The following OR2C1 variants were observed in gnomAD, a reference collection of about 807,000 sequenced individuals.
OR2C1 encodes the protein olfactory receptor family 2 subfamily C member 1.
For missense variants in OR2C1, 468 were observed against 388.3 expected (o/e 1.21, Z -1.73); for synonymous variants, 209 against 167.3 (o/e 1.25, Z -1.92).
chr16:3,324,054 T>G, the OR2C1 span: 1 of 383,018 alleles, frequency 2.6e-6, no homozygotes, highest in Non-Finnish European at 4.6e-6. Context: ...TTCAAAGCAT[T>G]TGAAACAATC....
chr16:3,347,312 C>G, the OR2C1 span, among the ~76,000 whole-genome samples: 2 of 149,808 alleles, frequency 1.3e-5, no homozygotes, highest in African/African-American at 4.9e-5. Context: ...GGAGGATAGC[C>G]TGAGCCCAGG....
chr16:3,339,768 C>T, the OR2C1 span, among the ~76,000 whole-genome samples: 1 of 151,906 alleles, frequency 6.6e-6, no homozygotes, highest in African/African-American at 2.4e-5. Flanking sequence ...ATTTTACTTT[C>T]ATATCAGCAA....
At chr16:3,324,441 A>G in the OR2C1 span, among the ~76,000 whole-genome samples, 3 of 152,136 alleles carry the variant, frequency 2.0e-5, no homozygotes, top group Non-Finnish European at 4.4e-5. Context: ...TCACCTGCAT[A>G]GCAGAGTTAA....
chr16:3,338,538 C>CTATTTTTTTTTT, the OR2C1 span, among the ~76,000 whole-genome samples: 1 of 103,288 alleles, frequency 9.7e-6, no homozygotes, highest in African/African-American at 3.9e-5. Flanking sequence ...GTATAGGTAC[C>CTATTTTTTTTTT]TTTTTTTTTT....
Position 3,356,420 on chromosome 16 carries a change from A to C in OR2C1, c.480A>C (p.Ser160=). The change falls in exon 1 of 1, where the codon TCA becomes TCC. Residue 160 remains serine (S), a synonymous_variant. Transcript: ENST00000304936. ...GCTTGGGCAACTCTGTGATCCAGTC[A>C]ACATTCACTCTGCAGCTCCCATTGT... ...LGGLGNSVIQ[S]TFTLQLPLCG... The C allele has an allele frequency of 6.2e-7, 1 of 1,613,958 alleles. No homozygotes were observed. Among genetic ancestry groups the C allele is most frequent in the Non-Finnish European group, 8.5e-7 (1 of 1,180,044 alleles).
the OR2C1 span, among the ~76,000 whole-genome samples, chr16:3,329,845 C>G: frequency 7.2e-6 from 1 of 138,864 alleles, no homozygotes; most frequent in East Asian, 2.3e-4. Context: ...ACCTCTGCTT[C>G]CCGGGTTCAA....
chr16:3,335,265 G>C, the OR2C1 span, among the ~76,000 whole-genome samples: 1 of 152,212 alleles, frequency 6.6e-6, no homozygotes, highest in Non-Finnish European at 1.5e-5. Context: ...AAATTGCTTT[G>C]GGTAGTATTG....
the OR2C1 span, among the ~76,000 whole-genome samples, chr16:3,348,827 G>C: frequency 1.3e-5 from 2 of 152,162 alleles, no homozygotes; most frequent in African/African-American, 4.8e-5. Context: ...GTAAGTTCTT[G>C]CTTCTCACAG....
chr16:3,340,903 G>GT, the OR2C1 span, among the ~76,000 whole-genome samples: 8 of 148,832 alleles, frequency 5.4e-5, no homozygotes, highest in East Asian at 2.0e-4. Context: ...CTCCCACTTT[G>GT]TTTTTTTTCA....
chr16:3,331,581 G>C, the OR2C1 span, among the ~76,000 whole-genome samples: 1 of 150,574 alleles, frequency 6.6e-6, no homozygotes, highest in East Asian at 1.9e-4. Context: ...GTAAGGAAGG[G>C]ATCCAGTTTC....
upstream of OR2C1, among the ~76,000 whole-genome samples, chr16:3,352,726 GTTTC>G (rs1469970199): frequency 2.3e-5 from 3 of 131,788 alleles, no homozygotes; most frequent in Admixed American, 8.7e-5. Flanking sequence ...CTTTCTGTCT[GTTTC>G]TTTCTTTCTT....
the OR2C1 span, among the ~76,000 whole-genome samples, chr16:3,344,707 G>A: frequency 1.3e-5 from 2 of 149,394 alleles, no homozygotes; most frequent in Non-Finnish European, 3.0e-5. Flanking sequence ...CAGCCTGGGC[G>A]ACAGAGTGAG....
the OR2C1 span, among the ~76,000 whole-genome samples, chr16:3,343,007 A>G: frequency 6.6e-6 from 1 of 152,226 alleles, no homozygotes; most frequent in African/African-American, 2.4e-5. Flanking sequence ...TATTTACATT[A>G]ATTTTTGAAA....
At chr16:3,327,971 C>G in the OR2C1 span, among the ~76,000 whole-genome samples, 144 of 152,276 alleles carry the variant, frequency 9.5e-4, 1 homozygote, top group African/African-American at 3.3e-3. Flanking sequence ...TTGACCATCC[C>G]ATTTGGGTAA....
chr16:3,333,556 C>G, the OR2C1 span, among the ~76,000 whole-genome samples: 1 of 152,064 alleles, frequency 6.6e-6, no homozygotes, highest in African/African-American at 2.4e-5. Flanking sequence ...AGGATGGTCT[C>G]AATCTCCTGA....
upstream of OR2C1, among the ~76,000 whole-genome samples, chr16:3,355,272 C>G (rs2030642532): frequency 6.6e-6 from 1 of 150,846 alleles, no homozygotes; most frequent in Non-Finnish European, 1.5e-5. Flanking sequence ...ACCAGCCTGG[C>G]CAACATGGTG....
the OR2C1 span, among the ~76,000 whole-genome samples, chr16:3,327,214 T>C: frequency 1.3e-5 from 2 of 152,154 alleles, no homozygotes; most frequent in African/African-American, 4.8e-5. Context: ...ATTTTGCCAA[T>C]CTTGTTTCAT....
Position 3,356,862 on chromosome 16 carries a change from G to T in OR2C1, c.922G>T (p.Gly308Ter), listed in dbSNP as rs1311213408. 3.1e-6 allele frequency: 5 copies of T among 1,595,452 alleles called. No homozygotes were observed. The highest frequency in any genetic ancestry group is 1.3e-5 in the African/African-American group (1 of 74,524). Residue 308 changes from glycine (G) to a stop codon, truncating the protein, a stop_gained, in exon 1 of 1, where the codon GGA (glycine) becomes TGA (stop). Transcript: ENST00000304936. LOFTEE classifies it high-confidence loss of function. ...CGCACTGAGGAGGTTGCTGGGGAAA[G>T]GAAGAGAAGTTGGCTGAGAGAACAC... ...KGALRRLLGK[G>*]REVG
chr16:3,332,068 G>T, the OR2C1 span, among the ~76,000 whole-genome samples: 1 of 127,480 alleles, frequency 7.8e-6, no homozygotes, highest in East Asian at 2.4e-4. Context: ...TCACTCTGGG[G>T]CCTGTTGTGG....
Sources: gnomAD v4.1 joint callset for allele counts (sites outside exome capture counted in the v4.1 genomes callset) on GRCh38, gnomAD v4.1.1 for gene constraint, MANE v1.5 for transcripts, NCBI Gene and HGNC (gene_info 2026-07-23, HGNC 2026-07-21) for gene names.